DGLUCY: variants seen among roughly 807,000 people sequenced by gnomAD.
The protein encoded by DGLUCY is D-glutamate cyclase, also known as D-glutamate cyclase, mitochondrial.
DGLUCY carries 58 observed loss-of-function variants against 58.5 expected under a neutral mutation model. The ratio of observed to expected loss-of-function variants is 0.99; its 90% CI spans 0.80 to 1.23. The LOEUF (loss-of-function observed/expected upper bound fraction) is 1.23. Ranked by LOEUF, DGLUCY falls within the 50% of genes most tolerant of loss-of-function variation. The pLI is 0.00. For missense variants in DGLUCY, 779 were observed against 784.7 expected (o/e 0.99, Z 0.09); for synonymous variants, 325 against 314.1 (o/e 1.03, Z -0.37).
intron 7 of DGLUCY, among the ~76,000 whole-genome samples, chr14:91,177,003 C>T (rs1285356050): frequency 8.6e-5 from 12 of 139,730 alleles, no homozygotes; most frequent in African/African-American, 3.6e-4. Flanking sequence ...CTTTCTTTCT[C>T]TTTCTTTCTT....
chr14:91,127,649 G>A (rs1297006683), intron 1 of DGLUCY, among the ~76,000 whole-genome samples: 2 of 152,218 alleles, frequency 1.3e-5, no homozygotes, highest in Non-Finnish European at 2.9e-5. Context: ...TGCTTCTTCC[G>A]GTTTCTGTCC....
intron 13 of DGLUCY, among the ~76,000 whole-genome samples, chr14:91,221,910 AC>A (rs1887577850): frequency 6.6e-6 from 1 of 151,452 alleles, no homozygotes; most frequent in South Asian, 2.1e-4. Flanking sequence ...CGGCATCATC[AC>A]CTCCCATAAA....
intron 13 of DGLUCY, chr14:91,220,638 T>C (rs1887326888): frequency 4.4e-6 from 2 of 456,090 alleles, no homozygotes; most frequent in Admixed American, 2.4e-5. Flanking sequence ...GATGGAGCCG[T>C]TTCTCCCGCT....
chr14:91,160,235 C>G, intron 2 of DGLUCY, 31 bp from the exon 3 acceptor site: 9 of 1,387,050 alleles, frequency 6.5e-6, no homozygotes, highest in Non-Finnish European at 9.2e-6. Flanking sequence ...GCCACACTTT[C>G]TAATTTGTTC....
intron 13 of DGLUCY, chr14:91,220,510 A>T (rs1281701303): frequency 2.2e-6 from 1 of 456,330 alleles, no homozygotes; most frequent in Admixed American, 2.3e-5. Flanking sequence ...GGCCTATGCC[A>T]AGGAGAGCTC....
At chr14:91,175,693 C>T in intron 6 of DGLUCY, 2 of 395,260 alleles carry the variant, frequency 5.1e-6, no homozygotes, top group Admixed American at 3.6e-5. Flanking sequence ...TTCCAGAAAT[C>T]ACGCCACACA....
At chr14:91,223,100 G>A (rs181988787) in intron 13 of DGLUCY, among the ~76,000 whole-genome samples, 3 of 152,244 alleles carry the variant, frequency 2.0e-5, no homozygotes, top group Admixed American at 2.0e-4. Flanking sequence ...AAATTTGAGG[G>A]TACATATTGA....
chr14:91,067,764 G>A (rs9989249), intron 1 of DGLUCY, among the ~76,000 whole-genome samples: 44,441 of 151,776 alleles, frequency 0.29, 6,583 homozygotes, highest in Middle Eastern at 0.32. Context: ...TGCCCAGGCT[G>A]GTCTCGAACT....
chr14:91,064,814 A>G (rs1290093394), intron 1 of DGLUCY, among the ~76,000 whole-genome samples: 2 of 152,120 alleles, frequency 1.3e-5, no homozygotes, highest in African/African-American at 4.8e-5. Flanking sequence ...GAATTTGTCA[A>G]CTTGGGTACC....
At chr14:91,069,078 T>A (rs1375278407) in intron 1 of DGLUCY, among the ~76,000 whole-genome samples, 2 of 152,172 alleles carry the variant, frequency 1.3e-5, no homozygotes, top group African/African-American at 4.8e-5. Context: ...AAAAAGTGAT[T>A]CTTTTTTTTA....
At chr14:91,211,602 G>T (rs916409408) in intron 12 of DGLUCY, among the ~76,000 whole-genome samples, 1 of 152,192 alleles carries the variant, frequency 6.6e-6, no homozygotes, top group African/African-American at 2.4e-5. Context: ...TCAACAAATG[G>T]TGCTGGAACT....
intron 1 of DGLUCY, among the ~76,000 whole-genome samples, chr14:91,108,511 G>GTC (rs1167849375): frequency 1.1e-5 from 1 of 93,268 alleles, no homozygotes. Flanking sequence ...GTGTGTGTGT[G>GTC]TGTGTGTGTG....
intron 7 of DGLUCY, among the ~76,000 whole-genome samples, 182 bp downstream of exon 7, chr14:91,176,238 T>C (rs1469781902): frequency 3.9e-5 from 6 of 152,216 alleles, no homozygotes; most frequent in Non-Finnish European, 7.3e-5. Context: ...TTTATTTATT[T>C]TTTTTTGAGA....
At chr14:91,064,815 C>T (rs896482610) in intron 1 of DGLUCY, among the ~76,000 whole-genome samples, 1 of 152,004 alleles carries the variant, frequency 6.6e-6, no homozygotes, top group Non-Finnish European at 1.5e-5. Flanking sequence ...AATTTGTCAA[C>T]TTGGGTACCA....
upstream of DGLUCY, among the ~76,000 whole-genome samples, chr14:91,110,990 G>A (rs2044682708): frequency 6.6e-6 from 1 of 151,984 alleles, no homozygotes; most frequent in Non-Finnish European, 1.5e-5. Context: ...AAGCGAGATC[G>A]TATAATATTT....
intron 1 of DGLUCY, among the ~76,000 whole-genome samples, chr14:91,063,534 A>G (rs1280553419): frequency 6.6e-6 from 1 of 152,230 alleles, no homozygotes; most frequent in East Asian, 1.9e-4. Flanking sequence ...GATGTGAGCA[A>G]TACATACACC....
chr14:91,154,547 C>A (rs984469157), intron 1 of DGLUCY, among the ~76,000 whole-genome samples: 1 of 152,166 alleles, frequency 6.6e-6, no homozygotes, highest in Non-Finnish European at 1.5e-5. Context: ...AGGAATTCAT[C>A]TTTTAGCGAT....
intron 1 of DGLUCY, among the ~76,000 whole-genome samples, chr14:91,151,526 G>C (rs912427475): frequency 2.0e-5 from 3 of 152,138 alleles, no homozygotes; most frequent in Middle Eastern, 3.4e-3. Context: ...GAGTACAGGC[G>C]TGAGCCACCA....
chr14:91,073,093 C>T (rs1389199699), intron 1 of DGLUCY, among the ~76,000 whole-genome samples: 1 of 152,076 alleles, frequency 6.6e-6, no homozygotes, highest in Non-Finnish European at 1.5e-5. Context: ...CCTTTTGTCA[C>T]CAGGTGTTAC....
Sources: allele counts gnomAD v4.1 joint callset (sites outside exome capture counted in the v4.1 genomes callset), GRCh38; gene constraint gnomAD v4.1.1; transcripts MANE v1.5; gene names NCBI Gene and HGNC (gene_info 2026-07-23, HGNC 2026-07-21).